NPSR1: variants seen among roughly 807,000 people sequenced by gnomAD.
NPSR1 encodes neuropeptide S receptor.
Under a neutral mutation model 46.9 loss-of-function variants are expected in NPSR1, and 48 were observed. The observed-to-expected ratio is 1.02, with a 90% CI of 0.81 to 1.30. NPSR1 has a LOEUF of 1.30. NPSR1 is among the 50% of genes most tolerant of loss of function. The pLI, the probability that NPSR1 is intolerant of heterozygous loss-of-function variation, is 0.00. For missense variants in NPSR1, 450 were observed against 449.5 expected (o/e 1.00, Z -0.01); for synonymous variants, 176 against 168.1 (o/e 1.05, Z -0.36).
rs947754778 is a variant in NPSR1 at position 34,858,393 on chromosome 7, TA to T, written c.1025+9737del. ...GAAACTGCATATGCTTGCAGCAACATAAAAAAACTTTAAAAACATAATATAA... is the reference window on the plus strand; with the variant it reads ...GAAACTGCATATGCTTGCAGCAACATAAAAAACTTTAAAAACATAATATAA... On this transcript the variant is annotated intron_variant, in intron 8 of 8. Transcript: ENST00000359791. Among the ~76,000 whole-genome samples, 13 of 151,600 alleles carry T rather than the reference TA, an allele frequency of 8.6e-5. 1 individual carries two copies. In the South Asian group the frequency reaches 2.5e-3, roughly 29 times the overall value.
chr7:34,733,519 A>C (rs943150505), intron 2 of NPSR1, among the ~76,000 whole-genome samples: 5 of 152,100 alleles, frequency 3.3e-5, no homozygotes, highest in African/African-American at 1.2e-4. Context: ...AATAAAAGTT[A>C]GTTCAAATTT....
chr7:34,850,549 C>T (rs965060352), downstream of NPSR1, among the ~76,000 whole-genome samples: 5 of 152,048 alleles, frequency 3.3e-5, no homozygotes, highest in African/African-American at 4.8e-5. Flanking sequence ...CACAGGTGCC[C>T]GCCACCACGC....
intron 3 of NPSR1, among the ~76,000 whole-genome samples, chr7:34,807,919 C>G (rs190183381): frequency 6.7e-6 from 1 of 150,282 alleles, no homozygotes; most frequent in Non-Finnish European, 1.5e-5. Flanking sequence ...CCACAAAATC[C>G]GTATCCTAAT....
chr7:34,863,048 A>G (rs1791226321), intron 8 of NPSR1, among the ~76,000 whole-genome samples: 1 of 151,800 alleles, frequency 6.6e-6, no homozygotes, highest in African/African-American at 2.4e-5. Flanking sequence ...AGACCTATGG[A>G]ACAGAACAGA....
chr7:34,683,390 T>C (rs1219497138), intron 1 of NPSR1, among the ~76,000 whole-genome samples: 1 of 149,272 alleles, frequency 6.7e-6, no homozygotes, highest in African/African-American at 2.5e-5. Flanking sequence ...GAGCTTGCAG[T>C]GAGCTAAGGT....
intron 4 of NPSR1, among the ~76,000 whole-genome samples, chr7:34,821,701 T>G (rs1789566882): frequency 6.6e-6 from 1 of 152,140 alleles, no homozygotes; most frequent in African/African-American, 2.4e-5. Flanking sequence ...GGAAAATATG[T>G]CTAGTTCTGG....
intron 4 of NPSR1, among the ~76,000 whole-genome samples, chr7:34,812,728 T>A (rs1054099136): frequency 2.0e-5 from 3 of 152,210 alleles, no homozygotes; most frequent in African/African-American, 7.2e-5. Flanking sequence ...TACAAAGCCA[T>A]TGTTTAGCAA....
At chr7:34,796,630 T>C (rs1030099538) in intron 3 of NPSR1, among the ~76,000 whole-genome samples, 1 of 152,190 alleles carries the variant, frequency 6.6e-6, no homozygotes, top group African/African-American at 2.4e-5. Context: ...AACAATGATA[T>C]AGCACTGCAT....
Position 34,830,034 on chromosome 7 carries a change from A to G in NPSR1, c.680+2432A>G, listed in dbSNP as rs555784229. Among the ~76,000 whole-genome samples, 4 of 152,254 alleles carry G rather than the reference A, an allele frequency of 2.6e-5. No homozygotes were observed. In the South Asian group the frequency reaches 8.3e-4, roughly 32 times the overall value. ...TGAAGAAACAACTTCTCTCTTGGGG[A>G]CTAACATCCTCTACCTCCTTCAGCA... On this transcript the variant is annotated intron_variant, in intron 5 of 8. Coordinates refer to ENST00000360581, the MANE Select transcript of NPSR1 (RefSeq NM_207172.2).
intron 2 of NPSR1, among the ~76,000 whole-genome samples, chr7:34,709,422 T>A (rs1309784079): frequency 6.6e-6 from 1 of 152,216 alleles, no homozygotes; most frequent in Admixed American, 6.5e-5. Flanking sequence ...TCTTGGACAA[T>A]AACAGTATGG....
intron 6 of NPSR1, among the ~76,000 whole-genome samples, chr7:34,839,433 T>C (rs1334505594): frequency 6.6e-6 from 1 of 152,178 alleles, no homozygotes; most frequent in Non-Finnish European, 1.5e-5. Flanking sequence ...AATATTGAAA[T>C]GCATTGTAAA....
At chr7:34,834,130 G>C in intron 5 of NPSR1, 1 of 504,554 alleles carries the variant, frequency 2.0e-6, no homozygotes. Context: ...CAAACCATTT[G>C]GGCTACCTTG....
At chr7:34,778,419 T>C (rs747626358) in intron 2 of NPSR1, 43 bp from the exon 3 acceptor site, 2 of 1,167,450 alleles carry the variant, frequency 1.7e-6, no homozygotes, top group East Asian at 5.0e-5. Context: ...AAAATAAAAA[T>C]AAAAATAAAC....
chr7:34,701,207 C>T (rs1460241257), intron 2 of NPSR1, among the ~76,000 whole-genome samples: 1 of 152,182 alleles, frequency 6.6e-6, no homozygotes, highest in Admixed American at 6.5e-5. Context: ...ACAGCAAATG[C>T]AAGAGAGACT....
chr7:34,797,764 T>C (rs1461161349), intron 3 of NPSR1, among the ~76,000 whole-genome samples: 2 of 152,192 alleles, frequency 1.3e-5, no homozygotes, highest in Non-Finnish European at 1.5e-5. Context: ...AAGACAAAGA[T>C]AAAATCCTGA....
chr7:34,783,799 C>G (rs1787339877), intron 3 of NPSR1, among the ~76,000 whole-genome samples: 1 of 151,926 alleles, frequency 6.6e-6, no homozygotes, highest in Admixed American at 6.6e-5. Context: ...AGAGTTATAA[C>G]AAGGCTAGCA....
chr7:34,834,080 C>A, intron 5 of NPSR1: 1 of 383,110 alleles, frequency 2.6e-6, no homozygotes. Context: ...GTTTTTCTGA[C>A]TCTAAGGCCT....
intron 2 of NPSR1, among the ~76,000 whole-genome samples, chr7:34,764,225 A>T (rs1786318518): frequency 6.6e-6 from 1 of 152,236 alleles, no homozygotes; most frequent in Admixed American, 6.5e-5. Flanking sequence ...TCTTTAACCA[A>T]TGTTTTAATC....
intron 2 of NPSR1, chr7:34,751,974 T>C: frequency 3.1e-6 from 3 of 976,988 alleles, no homozygotes; most frequent in Non-Finnish European, 4.9e-6. Context: ...CAGAGAAGTC[T>C]TTCTACTGTC....
Sources: gnomAD v4.1 joint callset for allele counts (sites outside exome capture counted in the v4.1 genomes callset) on GRCh38, gnomAD v4.1.1 for gene constraint, MANE v1.5 for transcripts, NCBI Gene and HGNC (gene_info 2026-07-23, HGNC 2026-07-21) for gene names.